The following RSPH10B variants were observed in gnomAD, a reference collection of about 807,000 sequenced individuals.
The protein encoded by RSPH10B is radial spoke head 10 homolog B, also known as radial spoke head 10 homolog B (Chlamydomonas).
A neutral mutation model predicts 52.5 loss-of-function variants in RSPH10B; 7 were observed. That is an observed-to-expected ratio of 0.13 (90% CI 0.08 to 0.25). The LOEUF is 0.25. Among genes scored for constraint, RSPH10B ranks in the 10% least tolerant of loss-of-function variants. RSPH10B has a pLI of 1.00. For synonymous variants in RSPH10B, 28 were observed against 193.2 expected (o/e 0.14, Z 7.09); for missense variants, 89 against 542.5 (o/e 0.16, Z 8.30).
In RSPH10B at chr7:5,929,012, C is replaced by T. The variant is rs573132813; in HGVS notation, c.2234-618G>A. On this transcript the variant is annotated intron_variant, in intron 17 of 18. Transcript: ENST00000337579. Reference sequence around the variant, plus strand: ...AGAATAAAAAAACTCGTTTCTCTTGCTTTTTTCTTTTTTTTTTAAAGACAA... The same window carrying T: ...AGAATAAAAAAACTCGTTTCTCTTGTTTTTTTCTTTTTTTTTTAAAGACAA... 2.3e-4 allele frequency among the ~76,000 whole-genome samples: 33 copies of T among 145,574 alleles called. 2 individuals are homozygous for T. The highest frequency in any genetic ancestry group is 8.5e-4 in the African/African-American group (33 of 38,646).
chr7:5,963,311 C>T (rs62454737), intron 3 of RSPH10B: 26,265 of 141,756 alleles, frequency 0.19, 1,664 homozygotes, highest in Admixed American at 0.27. Context: ...GGTGGGGGCC[C>T]AATCCTCAGG....
At chr7:5,931,178 T>C (rs1779743854) in intron 17 of RSPH10B, among the ~76,000 whole-genome samples, 1 of 144,724 alleles carries the variant, frequency 6.9e-6, no homozygotes, top group South Asian at 2.2e-4. Context: ...GTGATCTGCC[T>C]GCCTCGGCCT....
At chr7:5,958,563 A>C (rs1393783393) in intron 5 of RSPH10B, among the ~76,000 whole-genome samples, 2 of 127,834 alleles carry the variant, frequency 1.6e-5, no homozygotes, top group Non-Finnish European at 1.7e-5. Context: ...TCATGGTCCT[A>C]AGGGAGCAGA....
At chr7:5,954,988 T>TAAAAAAAAAAAAAAAAAAAA (rs1185408288) in intron 7 of RSPH10B, among the ~76,000 whole-genome samples, 1 of 24,170 alleles carries the variant, frequency 4.1e-5, no homozygotes, top group African/African-American at 1.6e-4. Flanking sequence ...CTGTAACTAC[T>TAAAAAAAAAAAAAAAAAAAA]AAAAAAAAAA....
At chr7:5,929,019 CTT>C (rs965208652) in intron 17 of RSPH10B, among the ~76,000 whole-genome samples, 2 of 139,262 alleles carry the variant, frequency 1.4e-5, no homozygotes, top group African/African-American at 5.4e-5. Flanking sequence ...TTGCTTTTTT[CTT>C]TTTTTTTTAA....
exon 19 of RSPH10B, chr7:5,926,433 G>C: frequency 6.4e-7 from 1 of 1,567,794 alleles, no homozygotes; most frequent in Non-Finnish European, 8.7e-7. Context: ...TCCTCCTTGG[G>C]AGGGTCCAGT....
At chr7:5,943,639 G>C (rs1344255576) in intron 12 of RSPH10B, among the ~76,000 whole-genome samples, 167 bp from the exon 15 acceptor site, 4 of 148,350 alleles carry the variant, frequency 2.7e-5, no homozygotes, top group Non-Finnish European at 4.5e-5. Flanking sequence ...CGCCCCCCAG[G>C]CTCAAGCGAT....
upstream of RSPH10B, among the ~76,000 whole-genome samples, chr7:5,968,616 C>T (rs562592615): frequency 1.2e-3 from 81 of 70,362 alleles, 1 homozygote; most frequent in African/African-American, 3.3e-3. Context: ...ATGCCATTCT[C>T]CTGCCTCAGC....
In RSPH10B at chr7:5,953,782, C is replaced by G. The variant is rs541787130; in HGVS notation, c.958-563G>C. On this transcript the variant is annotated intron_variant, in intron 7 of 18. Transcript: ENST00000337579. Reference sequence around the variant, plus strand: ...TTTCTCCAACTTTAAGCACCTATGGCCACAGAATGTGTCTTATTAAACTAC... The same window carrying G: ...TTTCTCCAACTTTAAGCACCTATGGGCACAGAATGTGTCTTATTAAACTAC... Among the ~76,000 whole-genome samples, 27 of 151,534 alleles carry G rather than the reference C, an allele frequency of 1.8e-4. No homozygotes were observed. The Admixed American group carries it at 1.8e-3, about 10-fold the overall frequency.
chr7:5,954,045 A>G (rs1780663403), intron 7 of RSPH10B, among the ~76,000 whole-genome samples: 3 of 60,522 alleles, frequency 5.0e-5, no homozygotes, highest in South Asian at 1.7e-3. Context: ...GGGTTTCACC[A>G]TGTTAGCCAG....
chr7:5,942,328 G>A (rs1401736255), intron 13 of RSPH10B, among the ~76,000 whole-genome samples: 4 of 133,176 alleles, frequency 3.0e-5, no homozygotes, highest in African/African-American at 5.6e-5. Context: ...GCAGTGGCAC[G>A]ATCACAGCTT....
intron 17 of RSPH10B, among the ~76,000 whole-genome samples, chr7:5,930,906 G>A (rs1271196956): frequency 9.5e-5 from 7 of 73,364 alleles, no homozygotes; most frequent in African/African-American, 3.4e-4. Context: ...GGGATCTAGA[G>A]GGGAAAGTGG....
At chr7:5,927,050 A>ATAT (rs1779490419) in intron 18 of RSPH10B, among the ~76,000 whole-genome samples, 8 of 56,110 alleles carry the variant, frequency 1.4e-4, no homozygotes, top group Admixed American at 2.2e-4. Flanking sequence ...TGTGTGTATT[A>ATAT]TGTGTGTGTG....
intron 10 of RSPH10B, among the ~76,000 whole-genome samples, chr7:5,947,807 C>A (rs1232964587): frequency 4.4e-5 from 4 of 91,262 alleles, no homozygotes; most frequent in African/African-American, 1.7e-4. Context: ...TGTTTCCTAA[C>A]GGGCCATGGA....
At chr7:5,944,658 G>C (rs1396144300) in intron 11 of RSPH10B, among the ~76,000 whole-genome samples, 1 of 145,584 alleles carries the variant, frequency 6.9e-6, no homozygotes, top group Non-Finnish European at 1.5e-5. Context: ...TCAAGAGTAT[G>C]TTAAAAAAAG....
At chr7:5,942,210 G>A (rs62454680) in intron 13 of RSPH10B, among the ~76,000 whole-genome samples, 4,184 of 132,480 alleles carry the variant, frequency 0.032, 53 homozygotes, top group Non-Finnish European at 0.045. Flanking sequence ...CTAGGATCAG[G>A]CAACACTTCA....
upstream of RSPH10B, among the ~76,000 whole-genome samples, chr7:5,968,653 C>T (rs534459965): frequency 3.0e-5 from 2 of 67,444 alleles, no homozygotes; most frequent in East Asian, 4.3e-4. Context: ...ACTACAGGCG[C>T]CCACCACCAC....
rs1562553330 is a variant in RSPH10B, at chr7:5,927,073, TG to T, written c.2433-526del. 1.0e-3 allele frequency among the ~76,000 whole-genome samples: 107 copies of T among 106,192 alleles called. 2 individuals are homozygous for T. Among genetic ancestry groups the T allele is most frequent in the African/African-American group, 2.9e-3 (77 of 26,448 alleles). The allele number at this position is 106,192 out of a possible 152,430, so 69.7% of individuals were successfully genotyped here. ...TTATGTGTGTGTGTGTGTGTATATG[TG>T]TGTGTGTGTGTGTGTGTGTGTGTAT... is the stretch of plus-strand genomic sequence containing the variant. On this transcript the variant is annotated intron_variant, in intron 18 of 18. Transcript: ENST00000337579.
intron 17 of RSPH10B, among the ~76,000 whole-genome samples, chr7:5,928,952 T>C (rs1272115424): frequency 6.8e-6 from 1 of 147,842 alleles, no homozygotes; most frequent in Non-Finnish European, 1.5e-5. Flanking sequence ...TCTTAAGAAT[T>C]TGGGTTTTCT....
Sources: gnomAD v4.1 joint callset for allele counts (sites outside exome capture counted in the v4.1 genomes callset) on GRCh38, gnomAD v4.1.1 for gene constraint, MANE v1.5 for transcripts, NCBI Gene and HGNC (gene_info 2026-07-23, HGNC 2026-07-21) for gene names.